Variants in ANO4 observed in about 807,000 individuals in gnomAD.
ANO4 encodes the protein anoctamin-4.
In ANO4, 69 loss-of-function variants were observed where a neutral mutation model predicts 141.9. The ratio of observed to expected loss-of-function variants is 0.49; its 90% CI spans 0.40 to 0.59. The LOEUF (loss-of-function observed/expected upper bound fraction) is 0.59, where lower values mean the gene tolerates loss of function less well. Ranked by LOEUF, ANO4 falls within the 20% of genes least tolerant of loss-of-function variation. The pLI is 0.00. For missense variants in ANO4, 894 were observed against 1,162.2 expected, an observed-to-expected ratio of 0.77 and a Z score of 3.36; for synonymous variants, 350 against 394.3, an observed-to-expected ratio of 0.89 and a Z score of 1.33.
chr12:100,803,908 T>C (rs2034841639), intron 1 of ANO4, among the ~76,000 whole-genome samples: 1 of 152,176 alleles, frequency 6.6e-6, no homozygotes, highest in South Asian at 2.1e-4. Context: ...AGAGAAGTTC[T>C]CACATGTATA....
At chr12:100,794,024 T>C (rs2034156572), upstream of ANO4, among the ~76,000 whole-genome samples, 1 of 152,208 alleles carries the variant, frequency 6.6e-6, no homozygotes, top group South Asian at 2.1e-4. Flanking sequence ...TTAAGAGCTC[T>C]AAAAGGGACA....
At chr12:100,759,853 C>A (rs1286707869) in intron 3 of ANO4, among the ~76,000 whole-genome samples, 2 of 152,162 alleles carry the variant, frequency 1.3e-5, no homozygotes, top group Admixed American at 6.5e-5. Flanking sequence ...TTCTTCCCCC[C>A]ATATAAAGAC....
chr12:101,110,603 G>C, intron 23 of ANO4, 47 bp downstream of exon 23: 3 of 1,427,744 alleles, frequency 2.1e-6, no homozygotes, highest in Non-Finnish European at 2.8e-6. Flanking sequence ...TAAACATCTG[G>C]TGGATAAAAT....
At chr12:101,091,324 G>A (rs549133528) in intron 17 of ANO4, among the ~76,000 whole-genome samples, 21 of 152,160 alleles carry the variant, frequency 1.4e-4, no homozygotes, top group African/African-American at 4.8e-4. Context: ...CTTTGTGCAG[G>A]GGCCAGTTAT....
chr12:100,825,078 G>A (rs866018117), intron 1 of ANO4, among the ~76,000 whole-genome samples: 2 of 151,910 alleles, frequency 1.3e-5, no homozygotes, highest in Non-Finnish European at 1.5e-5. Context: ...TTTTACCGTG[G>A]TATCATCAAA....
chr12:100,869,818 A>G (rs1275626486), intron 1 of ANO4, among the ~76,000 whole-genome samples: 1 of 152,176 alleles, frequency 6.6e-6, no homozygotes, highest in Non-Finnish European at 1.5e-5. Flanking sequence ...AACAGTCTTT[A>G]TAGTCACTGC....
At chr12:100,856,634 C>T (rs1421613971) in intron 1 of ANO4, among the ~76,000 whole-genome samples, 1 of 152,046 alleles carries the variant, frequency 6.6e-6, no homozygotes, top group Non-Finnish European at 1.5e-5. Flanking sequence ...GATGGTGGCT[C>T]TATTAAATCA....
intron 9 of ANO4, among the ~76,000 whole-genome samples, chr12:101,027,811 CA>C (rs1219484966): frequency 6.6e-6 from 1 of 152,148 alleles, no homozygotes; most frequent in African/African-American, 2.4e-5. Context: ...CTCCCTCCAC[CA>C]AGAGACAGTG....
intron 14 of ANO4, among the ~76,000 whole-genome samples, chr12:101,064,666 A>AATT (rs532069194): frequency 0.13 from 6,989 of 54,540 alleles, 235 homozygotes; most frequent in Non-Finnish European, 0.16. Flanking sequence ...AAAGTATTAT[A>AATT]ATAATAATAA....
chr12:101,017,163 A>T (rs2046347425), intron 8 of ANO4, among the ~76,000 whole-genome samples: 1 of 152,222 alleles, frequency 6.6e-6, no homozygotes, highest in Admixed American at 6.5e-5. Context: ...ACAGTTCCAA[A>T]TGGCTGAGGA....
chr12:100,870,827 T>C (rs1024515373), intron 1 of ANO4, among the ~76,000 whole-genome samples: 1 of 152,236 alleles, frequency 6.6e-6, no homozygotes, highest in Non-Finnish European at 1.5e-5. Context: ...TGTATAATTA[T>C]ACAGGATTCC....
intron 8 of ANO4, among the ~76,000 whole-genome samples, chr12:100,997,405 C>T (rs1428430198): frequency 6.6e-6 from 1 of 151,270 alleles, no homozygotes; most frequent in Non-Finnish European, 1.5e-5. Flanking sequence ...TAAATGGAGC[C>T]TAAATACAAT....
At chr12:101,064,417 C>G (rs998426738) in intron 14 of ANO4, among the ~76,000 whole-genome samples, 1 of 152,062 alleles carries the variant, frequency 6.6e-6, no homozygotes, top group Non-Finnish European at 1.5e-5. Context: ...TTATGACCCA[C>G]AGTATGATAT....
chr12:101,055,871 C>A (rs921866498), intron 14 of ANO4, among the ~76,000 whole-genome samples: 3 of 152,058 alleles, frequency 2.0e-5, no homozygotes, highest in Non-Finnish European at 4.4e-5. Context: ...AGATTTATTT[C>A]TTTCCATGTA....
Position 101,106,573 on chromosome 12 carries a change from G to GTGTA in ANO4, c.2150-3830_2150-3829insGTAT, listed in dbSNP as rs1555303963. 2.5e-3 allele frequency among the ~76,000 whole-genome samples: 353 copies of GTGTA among 138,606 alleles called. 3 individuals are homozygous for GTGTA. The highest frequency in any genetic ancestry group is 8.3e-3 in the African/African-American group (320 of 38,532). The allele number at this position is 138,606 out of a possible 152,430, so 90.9% of individuals were successfully genotyped here. On this transcript the variant is annotated intron_variant, in intron 22 of 27. Transcript: ENST00000392977. ...TATGGATATTCATGTGTGTGTGTGT[G>GTGTA]TATATATATATATATATATATAAAT...
chr12:100,888,865 G>T (rs2039967822), intron 1 of ANO4, among the ~76,000 whole-genome samples: 1 of 151,758 alleles, frequency 6.6e-6, no homozygotes, highest in East Asian at 1.9e-4. Flanking sequence ...CTTTTTATAG[G>T]TAGTCTCTTA....
intron 1 of ANO4, among the ~76,000 whole-genome samples, chr12:100,875,305 C>T (rs979600161): frequency 5.3e-5 from 8 of 151,960 alleles, no homozygotes; most frequent in Admixed American, 6.6e-5. Flanking sequence ...AAGTGAAACC[C>T]GGGGTACACC....
intron 1 of ANO4, among the ~76,000 whole-genome samples, chr12:100,722,642 C>A (rs888093444): frequency 6.6e-6 from 1 of 152,128 alleles, no homozygotes; most frequent in Non-Finnish European, 1.5e-5. Context: ...GGTGAGTAAT[C>A]CCCTCTGTGG....
intron 1 of ANO4, among the ~76,000 whole-genome samples, chr12:100,810,631 A>G (rs1158235687): frequency 6.6e-6 from 1 of 152,194 alleles, no homozygotes; most frequent in Non-Finnish European, 1.5e-5. Flanking sequence ...TGGTAGAACT[A>G]TGGATCTGTC....
Sources: gnomAD v4.1 joint callset for allele counts (sites outside exome capture counted in the v4.1 genomes callset) on GRCh38, gnomAD v4.1.1 for gene constraint, MANE v1.5 for transcripts, NCBI Gene and HGNC (gene_info 2026-07-23, HGNC 2026-07-21) for gene names.